Variants in DEPDC5 observed in about 807,000 individuals in gnomAD.
DEPDC5 encodes DEP domain containing 5, GATOR1 subcomplex subunit, also known as GATOR1 complex protein DEPDC5.
Under a neutral mutation model 217.3 loss-of-function variants are expected in DEPDC5, and 73 were observed. That is an observed-to-expected ratio of 0.34 (90% confidence interval 0.28 to 0.41). The LOEUF is 0.41. Ranked by LOEUF, DEPDC5 falls within the 10% of genes least tolerant of loss-of-function variation. The pLI, the probability that DEPDC5 is intolerant of heterozygous loss-of-function variation, is 1.00. For missense variants in DEPDC5, 1,675 were observed against 2,070.1 expected (o/e 0.81, Z 3.70); for synonymous variants, 733 against 756.7 (o/e 0.97, Z 0.51).
At chr22:31,848,152 T>C (rs2091847737) in intron 31 of DEPDC5, among the ~76,000 whole-genome samples, 1 of 152,240 alleles carries the variant, frequency 6.6e-6, no homozygotes, top group Admixed American at 6.5e-5. Flanking sequence ...GCTCCAGCCC[T>C]GTGGCTCTGC....
intron 33 of DEPDC5, among the ~76,000 whole-genome samples, chr22:31,867,671 G>A (rs1315945808): frequency 6.6e-6 from 1 of 152,158 alleles, no homozygotes; most frequent in Non-Finnish European, 1.5e-5. Flanking sequence ...CTTACTCAAA[G>A]TTGAGTAGTT....
chr22:31,800,259 G>C (rs1394676721), intron 14 of DEPDC5, among the ~76,000 whole-genome samples: 1 of 152,048 alleles, frequency 6.6e-6, no homozygotes, highest in Non-Finnish European at 1.5e-5. Context: ...TAACCTCCTA[G>C]GAATGCAGAC....
chr22:31,808,077 T>C (rs532636968), intron 18 of DEPDC5, among the ~76,000 whole-genome samples: 19 of 152,034 alleles, frequency 1.2e-4, no homozygotes, highest in Non-Finnish European at 1.6e-4. Flanking sequence ...AAGTAGAACA[T>C]GGAAAAACTT....
intron 31 of DEPDC5, among the ~76,000 whole-genome samples, chr22:31,856,155 G>GCGCGCACACACA (rs1226909374): frequency 2.5e-3 from 355 of 140,672 alleles, no homozygotes; most frequent in African/African-American, 3.2e-3. Flanking sequence ...GGGCCAACGC[G>GCGCGCACACACA]CACACACACA....
In DEPDC5 at chr22:31,879,736, G is replaced by T; in HGVS notation, c.4017G>T (p.Gln1339His). The change falls in exon 38 of 43, where the codon CAG becomes CAT. Residue 1339 changes from glutamine (Q) to histidine (H), a missense_variant. Physicochemically the swap from Gln to His is conservative, Grantham distance 24 (BLOSUM62 0). Coordinates refer to ENST00000651528, the MANE Select transcript of DEPDC5 (RefSeq NM_001242896.3). ...GCCGAAGTTTTGGAGGACGGAGCCAGGCGGCAGCACTTTTAGGTACATGCT... is the reference window on the plus strand; with the variant it reads ...GCCGAAGTTTTGGAGGACGGAGCCATGCGGCAGCACTTTTAGGTACATGCT... ...SFSRSFGGRS[Q>H]AAALLAATVP... The T allele has an allele frequency of 6.2e-7, 1 of 1,613,886 alleles. No individual in the cohort carries two copies. The highest frequency in any genetic ancestry group is 2.2e-5 in the East Asian group (1 of 44,870).
rs1178940569 is a variant in DEPDC5, at chr22:31,879,674, C to T, written c.3955C>T (p.Arg1319Trp). 1.3e-5 allele frequency: 21 copies of T among 1,614,116 alleles called. No individual in the cohort carries two copies. The highest frequency in any genetic ancestry group is 2.2e-5 in the South Asian group (2 of 91,084). Residue 1319 changes from arginine (R) to tryptophan (W), a missense_variant, in exon 38 of 43, where the codon CGG becomes TGG. Arg to Trp is a moderately radical substitution (Grantham distance 101). Coordinates refer to ENST00000651528, the MANE Select transcript of DEPDC5 (RefSeq NM_001242896.3). Reference protein sequence around the residue: ...PAFLLPWLPSRPASYASRHSS... With the variant: ...PAFLLPWLPSWPASYASRHSS... ...CTTTCTCCTGCCCTGGCTGCCTAGC[C>T]GGCCAGCCTCCTATGCAAGTAGGCA... is the stretch of plus-strand genomic sequence containing the variant.
At chr22:31,878,963 G>T (rs1481032499) in intron 37 of DEPDC5, among the ~76,000 whole-genome samples, 1 of 147,004 alleles carries the variant, frequency 6.8e-6, no homozygotes, top group Non-Finnish European at 1.5e-5. Flanking sequence ...GGAGGCAGAG[G>T]TTGCAGTAAG....
At chr22:31,788,264 A>ATTTTTT (rs75378797) in intron 10 of DEPDC5, among the ~76,000 whole-genome samples, 3 of 90,696 alleles carry the variant, frequency 3.3e-5, no homozygotes, top group African/African-American at 1.0e-4. Flanking sequence ...GGATGACTGT[A>ATTTTTT]TTTTTTTTTT....
chr22:31,839,614 G>A (rs973493000), intron 27 of DEPDC5, among the ~76,000 whole-genome samples: 17 of 146,778 alleles, frequency 1.2e-4, no homozygotes, highest in African/African-American at 3.9e-4. Context: ...TGGCCCTGTT[G>A]GAGCATGCGG....
intron 15 of DEPDC5, among the ~76,000 whole-genome samples, chr22:31,803,223 T>G (rs971180692): frequency 1.3e-5 from 2 of 152,046 alleles, no homozygotes; most frequent in Non-Finnish European, 1.5e-5. Context: ...TCTTTCTTTT[T>G]TTTTTTAGAC....
At chr22:31,801,456 T>A (rs2086857411) in intron 14 of DEPDC5, among the ~76,000 whole-genome samples, 1 of 152,188 alleles carries the variant, frequency 6.6e-6, no homozygotes, top group African/African-American at 2.4e-5. Context: ...GGTATGATTA[T>A]CCCGGCATTT....
chr22:31,848,671 G>T (rs552939945), intron 31 of DEPDC5, among the ~76,000 whole-genome samples: 346 of 152,294 alleles, frequency 2.3e-3, no homozygotes, highest in African/African-American at 8.1e-3. Flanking sequence ...TCTCTGACAT[G>T]CCCTGGAGAC....
At chr22:31,899,371 G>A (rs2093608980) in intron 40 of DEPDC5, among the ~76,000 whole-genome samples, 1 of 151,962 alleles carries the variant, frequency 6.6e-6, no homozygotes, top group Admixed American at 6.6e-5. Flanking sequence ...TAAAGCCAAA[G>A]TCTTTTTTGC....
intron 38 of DEPDC5, among the ~76,000 whole-genome samples, chr22:31,886,322 G>A (rs968870565): frequency 6.6e-6 from 1 of 152,102 alleles, no homozygotes; most frequent in African/African-American, 2.4e-5. Flanking sequence ...TCCCTCTCTT[G>A]ACAGTTTCTA....
intron 41 of DEPDC5, 37 bp downstream of exon 41, chr22:31,901,839 A>T: frequency 6.3e-7 from 1 of 1,591,602 alleles, no homozygotes; most frequent in Non-Finnish European, 8.6e-7. Context: ...TGGGAAGGAA[A>T]TCAGTGTTTA....
intron 7 of DEPDC5, among the ~76,000 whole-genome samples, chr22:31,773,345 G>C (rs887863931): frequency 6.6e-6 from 1 of 152,054 alleles, no homozygotes; most frequent in African/African-American, 2.4e-5. Context: ...GTGCCAGCAT[G>C]CCTGGCTCTT....
chr22:31,777,974 C>A, intron 7 of DEPDC5, 125 bp from the exon 8 acceptor site: 1 of 1,025,440 alleles, frequency 9.8e-7, no homozygotes, highest in Non-Finnish European at 1.5e-6. Flanking sequence ...TCTCGAAGTC[C>A]TGACCTCAGG....
chr22:31,782,140 T>A (rs908855772), intron 8 of DEPDC5, among the ~76,000 whole-genome samples: 62 of 125,080 alleles, frequency 5.0e-4, no homozygotes, highest in East Asian at 3.4e-3. Context: ...TGAAAAAAAT[T>A]TTTTTTTTTT....
At chr22:31,852,055 T>C (rs997538368) in intron 31 of DEPDC5, among the ~76,000 whole-genome samples, 5 of 152,042 alleles carry the variant, frequency 3.3e-5, no homozygotes, top group African/African-American at 1.2e-4. Context: ...TGGTGGTGAA[T>C]GCTGAGGTGG....
Sources: gnomAD v4.1 joint callset for allele counts (sites outside exome capture counted in the v4.1 genomes callset) on GRCh38, gnomAD v4.1.1 for gene constraint, MANE v1.5 for transcripts, NCBI Gene and HGNC (gene_info 2026-07-23, HGNC 2026-07-21) for gene names.